ANGPTL1: variants seen among roughly 807,000 people sequenced by gnomAD.
ANGPTL1 encodes angiopoietin like 1.
A neutral mutation model predicts 46.7 loss-of-function variants in ANGPTL1; 36 were observed. The observed-to-expected ratio is 0.77, with a 90% CI of 0.59 to 1.02. The LOEUF is 1.02. Ranked by LOEUF, ANGPTL1 falls within the 50% of genes least tolerant of loss-of-function variation. ANGPTL1 has a pLI of 0.00. For missense variants in ANGPTL1, 571 were observed against 594.7 expected, an observed-to-expected ratio of 0.96 and a Z score of 0.41; for synonymous variants, 221 against 204.3, an observed-to-expected ratio of 1.08 and a Z score of -0.69.
At chr1:178,869,287 A>G (rs1360910121) in intron 1 of ANGPTL1, 64 bp from the exon 2 acceptor site, 1 of 152,102 alleles carries the variant, frequency 6.6e-6, no homozygotes, top group Non-Finnish European at 1.5e-5. Flanking sequence ...TCACAGAGGC[A>G]TTTAACTGGC....
At chr1:178,859,737 C>T (rs1488368557) in intron 3 of ANGPTL1, among the ~76,000 whole-genome samples, 4 of 119,134 alleles carry the variant, frequency 3.4e-5, no homozygotes, top group East Asian at 5.0e-4. Flanking sequence ...CTCGCTCTGT[C>T]GCCAGGCTGG....
At position 178,851,145 on chromosome 1, in the gene ANGPTL1, AT is replaced by A. The variant is rs1314661862; in HGVS notation, c.1459del (p.Ile487SerfsTer13). 4 of 1,613,298 alleles carry A rather than the reference AT, an allele frequency of 2.5e-6. No homozygotes were observed. Among genetic ancestry groups the A allele is most frequent in the Non-Finnish European group, 3.4e-6 (4 of 1,179,686 alleles). Reference protein sequence around the residue: ...SYSLRAVQMMIKPID With the variant: ...SYSLRAVQMMXKPID ...TGTCTCTCTTCAGTCAATAGGCTTG[AT>A]CATCATCTGAACTGCTCTTAAGGAG... On this transcript the variant is annotated frameshift_variant, in exon 6 of 6. Coordinates refer to ENST00000234816, the MANE Select transcript of ANGPTL1 (RefSeq NM_004673.4). LOFTEE classifies it high-confidence loss of function.
intron 2 of ANGPTL1, among the ~76,000 whole-genome samples, chr1:178,868,587 G>A (rs919135767): frequency 2.6e-5 from 4 of 151,854 alleles, no homozygotes; most frequent in African/African-American, 4.8e-5. Context: ...AGCTAAAAGC[G>A]CATCATCCAA....
rs988510238 is a variant in ANGPTL1, at chr1:178,852,548, G to T, written c.1288+135C>A. 6.3e-6 allele frequency: 5 copies of T among 789,384 alleles called. No homozygotes were observed. The African/African-American group carries it at 7.0e-5, about 11-fold the overall frequency. The allele number at this position is 789,384 out of a possible 1,614,324, so 48.9% of individuals were successfully genotyped here. A position where few individuals can be genotyped will look rare whatever the true frequency, so the allele number is the denominator to read the frequency against. On this transcript the variant is annotated intron_variant, in intron 5 of 5. Transcript: ENST00000234816. ...ATCCTAAAAGCTATTTCTTTCAGTA[G>T]GTTGGTTGTATTTCCTGCCACAGTG... is the stretch of plus-strand genomic sequence containing the variant.
At chr1:178,869,826 T>C (rs2102348450) in intron 1 of ANGPTL1, among the ~76,000 whole-genome samples, 1 of 152,240 alleles carries the variant, frequency 6.6e-6, no homozygotes, top group African/African-American at 2.4e-5. Flanking sequence ...AGGCATACTA[T>C]TGGTAACGAG....
intron 3 of ANGPTL1, among the ~76,000 whole-genome samples, chr1:178,864,392 T>C (rs1459201197): frequency 2.0e-5 from 3 of 152,090 alleles, no homozygotes; most frequent in Non-Finnish European, 4.4e-5. Context: ...AAGGCATGGC[T>C]TTTGTACAGA....
intron 3 of ANGPTL1, among the ~76,000 whole-genome samples, chr1:178,856,121 T>C (rs1657522046): frequency 6.7e-6 from 1 of 148,174 alleles, no homozygotes; most frequent in Non-Finnish European, 1.5e-5. Context: ...TTTATCCTTA[T>C]AAGAATTTCT....
At chr1:178,854,960 A>C (rs1657430065) in intron 3 of ANGPTL1, among the ~76,000 whole-genome samples, 1 of 152,132 alleles carries the variant, frequency 6.6e-6, no homozygotes, top group Non-Finnish European at 1.5e-5. Flanking sequence ...AACATGCAAA[A>C]TATATTAATG....
intron 3 of ANGPTL1, among the ~76,000 whole-genome samples, chr1:178,862,626 TTTATTTGG>T (rs1419687599): frequency 8.0e-5 from 12 of 149,696 alleles, no homozygotes; most frequent in African/African-American, 2.0e-4. Flanking sequence ...TATTTATTTA[TTTATTTGG>T]TTGGTTGGTT....
intron 3 of ANGPTL1, 103 bp downstream of exon 3, chr1:178,864,851 T>C (rs554981019): frequency 2.7e-6 from 2 of 739,820 alleles, no homozygotes; most frequent in South Asian, 1.2e-4. Flanking sequence ...AATGTACATA[T>C]ATAACATCGC....
At chr1:178,864,788 G>A (rs1040351214) in intron 3 of ANGPTL1, among the ~76,000 whole-genome samples, 166 bp downstream of exon 3, 2 of 152,050 alleles carry the variant, frequency 1.3e-5, no homozygotes, top group Non-Finnish European at 1.5e-5. Flanking sequence ...AGCTGGAAGA[G>A]GAGATGTATT....
chr1:178,851,031 G>A lies in ANGPTL1; in HGVS notation c.*98C>T. ...ATTCATTTTAAAAACTTTCTGTGTA[G>A]AAATAAATTGTGCCAAGTAATATAC... On this transcript the variant is annotated 3_prime_UTR_variant, in exon 6 of 6. Coordinates refer to ENST00000234816, the MANE Select transcript of ANGPTL1 (RefSeq NM_004673.4). The A allele has an allele frequency of 8.7e-7, 1 of 1,154,986 alleles. No homozygotes were observed. Among genetic ancestry groups the A allele is most frequent in the East Asian group, 2.6e-5 (1 of 38,556 alleles). The allele number at this position is 1,154,986 out of a possible 1,614,324, so 71.5% of individuals were successfully genotyped here. A position where few individuals can be genotyped will look rare whatever the true frequency, so the allele number is the denominator to read the frequency against.
rs1392703652 is a variant in ANGPTL1 at position 178,859,827 on chromosome 1, C to A, written c.823+5127G>T. Among the ~76,000 whole-genome samples the A allele has an allele frequency of 6.0e-4, 54 of 89,344 alleles. 1 individual carries two copies. The highest frequency in any genetic ancestry group is 4.7e-3 in the Middle Eastern group (1 of 214). 58.6% of individuals were successfully genotyped at this position (89,344 alleles called of 152,430 possible). ...ATTCTCCTGCCTCTGCCCGCCCCCC[C>A]CCCCCCAACCGCCCAAGTAGCTGGG... On this transcript the variant is annotated intron_variant, in intron 3 of 5. Coordinates refer to ENST00000234816, the MANE Select transcript of ANGPTL1 (RefSeq NM_004673.4).
At chr1:178,865,893 G>GA (rs1302471631) in intron 2 of ANGPTL1, 91 bp from the exon 3 acceptor site, 1 of 723,094 alleles carries the variant, frequency 1.4e-6, no homozygotes, top group Non-Finnish European at 2.2e-6. Context: ...CTATCTGAGG[G>GA]AAAAACTGAA....
intron 3 of ANGPTL1, among the ~76,000 whole-genome samples, chr1:178,864,682 C>G (rs1268191025): frequency 6.6e-6 from 1 of 152,056 alleles, no homozygotes; most frequent in Non-Finnish European, 1.5e-5. Context: ...TTATTCCTGT[C>G]TCAAGAATAG....
At chr1:178,856,041 A>G (rs956397892) in intron 3 of ANGPTL1, among the ~76,000 whole-genome samples, 1 of 149,158 alleles carries the variant, frequency 6.7e-6, no homozygotes, top group African/African-American at 2.4e-5. Flanking sequence ...CTGATTGTCA[A>G]ATTTTATATT....
intron 2 of ANGPTL1, among the ~76,000 whole-genome samples, chr1:178,866,832 C>T (rs1426453994): frequency 6.6e-6 from 1 of 152,152 alleles, no homozygotes; most frequent in African/African-American, 2.4e-5. Flanking sequence ...TTTGCTGTAG[C>T]AGATGAGAAA....
In ANGPTL1 at chr1:178,852,924, G is replaced by T; in HGVS notation, c.1047C>A (p.Tyr349Ter). 2 of 1,612,412 alleles carry T rather than the reference G, an allele frequency of 1.2e-6. No individual in the cohort carries two copies. The highest frequency in any genetic ancestry group is 1.7e-6 in the Non-Finnish European group (2 of 1,179,260). Residue 349 changes from tyrosine to a stop codon, truncating the protein, a stop_gained, in exon 5 of 6, where the codon TAC (tyrosine) becomes TAA (stop). Transcript: ENST00000234816. LOFTEE classifies it high-confidence loss of function. ...TATAGATATTTTCCAGTCCAAGCCA[G>T]TATTCTCCGTCAATGTTTCCAAACC... is the stretch of plus-strand genomic sequence containing the variant. Reference protein sequence around the residue: ...KKGFGNIDGEYWLGLENIYML... With the variant: ...KKGFGNIDGE
Position 178,857,726 on chromosome 1 carries a change from CATTT to C in ANGPTL1, c.824-3943_824-3940del, listed in dbSNP as rs757934007. Among the ~76,000 whole-genome samples, 7 of 152,070 alleles carry C rather than the reference CATTT, an allele frequency of 4.6e-5. No homozygotes were observed. In the South Asian group the frequency reaches 6.2e-4, roughly 13 times the overall value. On this transcript the variant is annotated intron_variant, in intron 3 of 5. Transcript: ENST00000234816. The stretch of plus-strand genomic sequence containing the variant: ...TTTTCGTAAATGTTTACTCTGCATT[CATTT>C]GAGTATAGTTTTGACAGTTTACATT...
Sources: gnomAD v4.1 joint callset for allele counts (sites outside exome capture counted in the v4.1 genomes callset) on GRCh38, gnomAD v4.1.1 for gene constraint, MANE v1.5 for transcripts, NCBI Gene and HGNC (gene_info 2026-07-23, HGNC 2026-07-21) for gene names.